NPNT: variants seen among roughly 807,000 people sequenced by gnomAD.
The protein encoded by NPNT is preosteoblast EGF-like repeat protein with MAM domain.
NPNT carries 45 observed loss-of-function variants against 68.6 expected under a neutral mutation model. The ratio of observed to expected loss-of-function variants is 0.66; its 90% confidence interval spans 0.52 to 0.84. NPNT has a LOEUF of 0.84. Ranked by LOEUF, NPNT falls within the 40% of genes least tolerant of loss-of-function variation. The pLI is 0.00. For synonymous variants in NPNT, 233 were observed against 253.3 expected (o/e 0.92, Z 0.76); for missense variants, 672 against 714.8 (o/e 0.94, Z 0.68).
At chr4:105,954,743 C>G (rs554795766) in intron 8 of NPNT, among the ~76,000 whole-genome samples, 1 of 152,286 alleles carries the variant, frequency 6.6e-6, no homozygotes, top group Admixed American at 6.5e-5. Flanking sequence ...CATAGTACTT[C>G]TTCTTATGTC....
At chr4:105,911,167 A>G (rs1209177382) in intron 2 of NPNT, among the ~76,000 whole-genome samples, 1 of 152,076 alleles carries the variant, frequency 6.6e-6, no homozygotes, top group Non-Finnish European at 1.5e-5. Context: ...CAACATCAAG[A>G]TATGGTGAGT....
intron 2 of NPNT, among the ~76,000 whole-genome samples, chr4:105,924,378 C>A (rs1167300301): frequency 6.6e-6 from 1 of 152,116 alleles, no homozygotes; most frequent in Non-Finnish European, 1.5e-5. Context: ...AGGAGAATAT[C>A]TTTTTGTGCA....
intron 8 of NPNT, 36 bp downstream of exon 8, chr4:105,942,738 C>A: frequency 1.3e-6 from 2 of 1,546,864 alleles, no homozygotes; most frequent in South Asian, 1.3e-5. Context: ...TTTCAATAGG[C>A]TCTTTATAAT....
At chr4:105,906,679 C>T (rs1726924682) in intron 2 of NPNT, among the ~76,000 whole-genome samples, 2 of 151,944 alleles carry the variant, frequency 1.3e-5, no homozygotes, top group Non-Finnish European at 2.9e-5. Flanking sequence ...TTTTTTAAGT[C>T]GATATATTTT....
chr4:105,938,442 C>T (rs780562076), intron 5 of NPNT, 22 bp downstream of exon 5: 58 of 1,610,286 alleles, frequency 3.6e-5, no homozygotes, highest in Middle Eastern at 3.3e-4. Flanking sequence ...AATCAAGCAT[C>T]TCTGTCAGCA....
intron 2 of NPNT, among the ~76,000 whole-genome samples, chr4:105,906,648 G>T (rs1366308659): frequency 6.6e-6 from 1 of 152,144 alleles, no homozygotes; most frequent in African/African-American, 2.4e-5. Flanking sequence ...ACAGATTAAA[G>T]GCCAGTTCAT....
chr4:105,905,601 A>C (rs148483872), intron 2 of NPNT, among the ~76,000 whole-genome samples: 8 of 152,292 alleles, frequency 5.3e-5, no homozygotes, highest in African/African-American at 1.9e-4. Flanking sequence ...CATTCTTTTA[A>C]ATGGCTATAC....
intron 2 of NPNT, among the ~76,000 whole-genome samples, chr4:105,903,471 C>T (rs185410425): frequency 1.3e-5 from 2 of 152,340 alleles, no homozygotes; most frequent in Non-Finnish European, 2.9e-5. Flanking sequence ...CACATGCAGA[C>T]ACTCTTGCCG....
At chr4:105,942,136 T>TACATATAGAC (rs1730018717) in intron 7 of NPNT, among the ~76,000 whole-genome samples, 171 bp from the exon 8 acceptor site, 1 of 147,740 alleles carries the variant, frequency 6.8e-6, no homozygotes, top group African/African-American at 2.5e-5. Context: ...TATATATATA[T>TACATATAGAC]ACACACATAT....
chr4:105,958,187 A>G (rs1731389398), intron 8 of NPNT, among the ~76,000 whole-genome samples: 1 of 152,228 alleles, frequency 6.6e-6, no homozygotes, highest in Non-Finnish European at 1.5e-5. Flanking sequence ...TGGTTGCTCT[A>G]TTAAAATGTA....
intron 8 of NPNT, among the ~76,000 whole-genome samples, chr4:105,949,613 A>C (rs971072081): frequency 1.3e-5 from 2 of 152,208 alleles, no homozygotes; most frequent in African/African-American, 4.8e-5. Flanking sequence ...GAGCAATCCC[A>C]GGGCAAAGAA....
rs555167858 is a variant in NPNT at position 105,937,210 on chromosome 4, G to T, written c.385+82G>T. On this transcript the variant is annotated intron_variant, in intron 4 of 11. Coordinates refer to ENST00000379987, the MANE Select transcript of NPNT (RefSeq NM_001033047.3). ...CTGAGAGCTTGCTTTTGTGAAAATG[G>T]CCTCCGGGGTTCTCCTAAACAAGAT... 75 of 1,431,480 alleles carry T rather than the reference G, an allele frequency of 5.2e-5. No individual in the cohort carries two copies. The Middle Eastern group carries it at 7.4e-4, about 14-fold the overall frequency. 88.7% of individuals were successfully genotyped at this position (1,431,480 alleles called of 1,614,324 possible). A position where few individuals can be genotyped will look rare whatever the true frequency, so the allele number is the denominator to read the frequency against.
At chr4:105,904,356 G>C (rs918969887) in intron 2 of NPNT, among the ~76,000 whole-genome samples, 2 of 152,184 alleles carry the variant, frequency 1.3e-5, no homozygotes, top group Non-Finnish European at 2.9e-5. Flanking sequence ...GATAGTTTAA[G>C]GGGAAAGACT....
chr4:105,965,908 G>A (rs943184139), intron 10 of NPNT, among the ~76,000 whole-genome samples: 1 of 152,174 alleles, frequency 6.6e-6, no homozygotes, highest in Non-Finnish European at 1.5e-5. Flanking sequence ...CTTTGGTTCA[G>A]ACTTTTAAGT....
At chr4:105,965,783 C>G (rs1732079251) in intron 10 of NPNT, among the ~76,000 whole-genome samples, 1 of 152,178 alleles carries the variant, frequency 6.6e-6, no homozygotes, top group Admixed American at 6.5e-5. Flanking sequence ...GTACGTGAAT[C>G]AAGGATCTAT....
chr4:105,952,537 A>G (rs1343279405), intron 8 of NPNT, among the ~76,000 whole-genome samples: 1 of 152,082 alleles, frequency 6.6e-6, no homozygotes, highest in Non-Finnish European at 1.5e-5. Context: ...GCGAGACTCT[A>G]TCTCCAAAAT....
intron 2 of NPNT, among the ~76,000 whole-genome samples, chr4:105,906,286 C>T (rs140646999): frequency 1.3e-5 from 2 of 152,138 alleles, no homozygotes; most frequent in Non-Finnish European, 2.9e-5. Flanking sequence ...TAGTTCTGAA[C>T]GAAGACTTTC....
intron 4 of NPNT, 97 bp from the exon 5 acceptor site, chr4:105,938,204 A>G: frequency 4.3e-6 from 5 of 1,160,502 alleles, no homozygotes; most frequent in Admixed American, 4.3e-5. Flanking sequence ...ATTGTTGTTC[A>G]GTGTCACTGA....
At chr4:105,936,917 C>T (rs1033507430) in intron 3 of NPNT, 92 bp from the exon 4 acceptor site, 1 of 1,291,776 alleles carries the variant, frequency 7.7e-7, no homozygotes, top group Non-Finnish European at 1.0e-6. Context: ...CTATTTTTCT[C>T]TTTCATTTTT....
Sources: allele counts gnomAD v4.1 joint callset (sites outside exome capture counted in the v4.1 genomes callset), GRCh38; gene constraint gnomAD v4.1.1; transcripts MANE v1.5; gene names NCBI Gene and HGNC (gene_info 2026-07-23, HGNC 2026-07-21).